The following NEBL variants were observed in gnomAD, a reference collection of about 807,000 sequenced individuals.
NEBL encodes nebulette.
Under a neutral mutation model 140.2 loss-of-function variants are expected in NEBL, and 122 were observed. The observed-to-expected ratio is 0.87, with a 90% CI of 0.75 to 1.01. NEBL has a LOEUF of 1.01. NEBL is among the 50% of genes least tolerant of loss of function. The pLI, the probability that NEBL is intolerant of heterozygous loss-of-function variation, is 0.00. For synonymous variants in NEBL, 436 were observed against 398.9 expected (o/e 1.09, Z -1.11); for missense variants, 1,365 against 1,231.3 (o/e 1.11, Z -1.62).
intron 3 of NEBL, among the ~76,000 whole-genome samples, chr10:20,973,982 A>C (rs1230406730): frequency 6.6e-6 from 1 of 152,208 alleles, no homozygotes; most frequent in African/African-American, 2.4e-5. Context: ...TTTATACCCC[A>C]GTATCCTCAA....
chr10:21,095,605 A>G (rs1837149893), intron 2 of NEBL, among the ~76,000 whole-genome samples: 1 of 152,232 alleles, frequency 6.6e-6, no homozygotes, highest in Admixed American at 6.5e-5. Context: ...GAGTCCAAAC[A>G]AGAATGGCAA....
At chr10:20,873,075 A>G (rs1845137483) in intron 5 of NEBL, among the ~76,000 whole-genome samples, 1 of 152,170 alleles carries the variant, frequency 6.6e-6, no homozygotes, top group Non-Finnish European at 1.5e-5. Flanking sequence ...CGTTTCCTGT[A>G]ACACTAGGTT....
At chr10:20,995,249 G>A (rs1021805819) in intron 3 of NEBL, among the ~76,000 whole-genome samples, 3 of 152,140 alleles carry the variant, frequency 2.0e-5, no homozygotes, top group Non-Finnish European at 2.9e-5. Context: ...TGACAGAGCC[G>A]GCATGCAGGG....
chr10:21,250,327 G>A (rs1293257184), intron 2 of NEBL, among the ~76,000 whole-genome samples: 1 of 152,282 alleles, frequency 6.6e-6, no homozygotes, highest in East Asian at 1.9e-4. Flanking sequence ...TAGCCTCCCA[G>A]CCTACATCTT....
At chr10:21,117,646 C>T (rs1396151007) in intron 2 of NEBL, among the ~76,000 whole-genome samples, 1 of 152,138 alleles carries the variant, frequency 6.6e-6, no homozygotes, top group Non-Finnish European at 1.5e-5. Flanking sequence ...TATATATTGC[C>T]TAGTTATTCT....
intron 26 of NEBL, among the ~76,000 whole-genome samples, chr10:20,802,336 A>G (rs1394720659): frequency 6.6e-5 from 10 of 152,248 alleles, no homozygotes; most frequent in Admixed American, 5.9e-4. Flanking sequence ...CAAATAAAAT[A>G]TAAGTTAAGC....
At chr10:21,236,911 G>A (rs1214955800) in intron 3 of NEBL, among the ~76,000 whole-genome samples, 1 of 152,180 alleles carries the variant, frequency 6.6e-6, no homozygotes, top group African/African-American at 2.4e-5. Flanking sequence ...TAGTAAGATA[G>A]GTACTATTAT....
upstream of NEBL, chr10:21,175,073 T>A (rs550631529): frequency 6.6e-6 from 1 of 152,146 alleles, no homozygotes; most frequent in Admixed American, 6.5e-5. Context: ...CAGGGTAGGA[T>A]GAAACCAAAG....
At chr10:20,993,526 GT>G in intron 3 of NEBL, among the ~76,000 whole-genome samples, 1 of 152,290 alleles carries the variant, frequency 6.6e-6, no homozygotes, top group Admixed American at 6.5e-5. Context: ...TTAGTTTTAG[GT>G]TTCAGGGTGG....
At chr10:20,942,915 C>T (rs1834957668) in intron 4 of NEBL, among the ~76,000 whole-genome samples, 5 of 151,998 alleles carry the variant, frequency 3.3e-5, no homozygotes, top group Admixed American at 1.3e-4. Flanking sequence ...GTTAGAATGG[C>T]GATCAGTAAA....
intron 2 of NEBL, among the ~76,000 whole-genome samples, chr10:21,153,754 T>C (rs1009920614): frequency 2.0e-5 from 3 of 151,980 alleles, no homozygotes; most frequent in Non-Finnish European, 4.4e-5. Flanking sequence ...GACCTCGTGA[T>C]CCTCCCTCCT....
At chr10:21,234,186 T>C (rs1842316205) in intron 3 of NEBL, among the ~76,000 whole-genome samples, 2 of 151,938 alleles carry the variant, frequency 1.3e-5, no homozygotes, top group African/African-American at 2.4e-5. Context: ...CCAAAGTGGA[T>C]TTGGATTCAG....
chr10:20,864,687 C>T (rs1450026481), intron 7 of NEBL, among the ~76,000 whole-genome samples: 2 of 152,124 alleles, frequency 1.3e-5, no homozygotes, highest in Non-Finnish European at 2.9e-5. Context: ...AAATCATTTG[C>T]CTTCTATGTA....
At chr10:21,114,828 CT>C (rs879660859) in intron 2 of NEBL, among the ~76,000 whole-genome samples, 148 of 144,476 alleles carry the variant, frequency 1.0e-3, no homozygotes, top group Middle Eastern at 7.1e-3. Flanking sequence ...TTGGGTCCTG[CT>C]TTTTTTTTTT....
At chr10:21,057,232 C>G (rs1012684779) in intron 2 of NEBL, among the ~76,000 whole-genome samples, 1 of 151,788 alleles carries the variant, frequency 6.6e-6, no homozygotes, top group Non-Finnish European at 1.5e-5. Context: ...GGAGATGACA[C>G]CTGGTTGGGA....
chr10:20,792,730 G>A (rs912363462), intron 26 of NEBL, among the ~76,000 whole-genome samples: 5 of 151,844 alleles, frequency 3.3e-5, no homozygotes, highest in African/African-American at 1.2e-4. Context: ...AACCTGTGAA[G>A]AGGAGGTTGC....
In NEBL at chr10:20,833,830, G is replaced by A. The variant is rs150581139; in HGVS notation, c.1449+1683C>T. ...GCAGAATTCTGGTTAGGAAGCTATG[G>A]CAATGATCTAGAGGATAGAGATAGT... On this transcript the variant is annotated intron_variant, in intron 14 of 27. Coordinates refer to ENST00000377122, the MANE Select transcript of NEBL (RefSeq NM_006393.3). Among the ~76,000 whole-genome samples the A allele has an allele frequency of 1.1e-3, 165 of 152,256 alleles. 2 individuals are homozygous for A. The South Asian group carries it at 0.017, about 15-fold the overall frequency.
At chr10:20,849,999 T>C (rs1428731879) in intron 11 of NEBL, among the ~76,000 whole-genome samples, 1 of 151,912 alleles carries the variant, frequency 6.6e-6, no homozygotes, top group Non-Finnish European at 1.5e-5. Flanking sequence ...TCTATTTTCA[T>C]TGAAAAAAAA....
chr10:21,005,056 G>C (rs1019151749), intron 3 of NEBL, among the ~76,000 whole-genome samples: 4 of 152,138 alleles, frequency 2.6e-5, no homozygotes, highest in Admixed American at 6.5e-5. Context: ...ACTGGCCTGA[G>C]AGTAACACCT....
Sources: allele counts gnomAD v4.1 joint callset (sites outside exome capture counted in the v4.1 genomes callset), GRCh38; gene constraint gnomAD v4.1.1; transcripts MANE v1.5; gene names NCBI Gene and HGNC (gene_info 2026-07-23, HGNC 2026-07-21).